Variants in GRM7 observed in about 807,000 individuals in gnomAD.
The protein encoded by GRM7 is glutamate metabotropic receptor 7.
In GRM7, 35 loss-of-function variants were observed where a neutral mutation model predicts 84.5. The ratio of observed to expected loss-of-function variants is 0.41; its 90% CI spans 0.32 to 0.55. The LOEUF is 0.55. Among genes scored for constraint, GRM7 ranks in the 20% least tolerant of loss-of-function variants. The pLI, the probability that GRM7 is intolerant of heterozygous loss-of-function variation, is 0.19. For missense variants in GRM7, 1,003 were observed against 1,194.6 expected, an observed-to-expected ratio of 0.84 and a Z score of 2.36; for synonymous variants, 487 against 455.1, an observed-to-expected ratio of 1.07 and a Z score of -0.89.
intron 2 of GRM7, among the ~76,000 whole-genome samples, chr3:7,234,452 C>A (rs1337392002): frequency 2.6e-5 from 4 of 152,128 alleles, no homozygotes; most frequent in Non-Finnish European, 5.9e-5. Context: ...AAAGTATCTG[C>A]CTCATAGAAT....
chr3:7,594,911 G>T (rs779164911), intron 8 of GRM7, among the ~76,000 whole-genome samples: 2 of 151,690 alleles, frequency 1.3e-5, no homozygotes, highest in Non-Finnish European at 2.9e-5. Flanking sequence ...TGTGGTAAAA[G>T]TGCCTTCTAT....
intron 1 of GRM7, among the ~76,000 whole-genome samples, chr3:6,889,541 T>G (rs148351977): frequency 0.061 from 9,292 of 152,192 alleles, 381 homozygotes; most frequent in East Asian, 0.19. Flanking sequence ...CATTTATTGA[T>G]TTGCATATAT....
At chr3:7,060,930 G>A (rs1166886451) in intron 1 of GRM7, among the ~76,000 whole-genome samples, 2 of 151,742 alleles carry the variant, frequency 1.3e-5, no homozygotes, top group African/African-American at 4.8e-5. Flanking sequence ...CTCTTTCACA[G>A]TCATACTGGG....
At chr3:7,133,345 T>C (rs2125055396) in intron 1 of GRM7, among the ~76,000 whole-genome samples, 1 of 152,326 alleles carries the variant, frequency 6.6e-6, no homozygotes, top group South Asian at 2.1e-4. Context: ...ACAATGTTCC[T>C]CCACCCCCAA....
chr3:7,611,054 CT>C (rs1218157338), intron 8 of GRM7, among the ~76,000 whole-genome samples: 2 of 152,088 alleles, frequency 1.3e-5, no homozygotes, highest in African/African-American at 2.4e-5. Flanking sequence ...ATTGAATAGC[CT>C]TGTGTCTTAC....
chr3:6,965,997 G>C (rs1693501811), intron 1 of GRM7, among the ~76,000 whole-genome samples: 1 of 152,116 alleles, frequency 6.6e-6, no homozygotes, highest in African/African-American at 2.4e-5. Context: ...TTTGTGCCAA[G>C]GTGATCTGAA....
At chr3:7,048,649 T>C (rs1377264933) in intron 1 of GRM7, among the ~76,000 whole-genome samples, 2 of 151,998 alleles carry the variant, frequency 1.3e-5, no homozygotes, top group Non-Finnish European at 2.9e-5. Context: ...TTTTGATATG[T>C]ATATATGGAC....
At chr3:7,071,560 GAT>G (rs1697885208) in intron 1 of GRM7, among the ~76,000 whole-genome samples, 1 of 151,902 alleles carries the variant, frequency 6.6e-6, no homozygotes, top group East Asian at 1.9e-4. Flanking sequence ...ATATCTAAGA[GAT>G]AGATTAACAG....
At chr3:7,196,044 A>G (rs2125109436) in intron 2 of GRM7, among the ~76,000 whole-genome samples, 1 of 152,072 alleles carries the variant, frequency 6.6e-6, no homozygotes, top group South Asian at 2.1e-4. Flanking sequence ...CTACCTAATT[A>G]CCCACCTACA....
intron 4 of GRM7, among the ~76,000 whole-genome samples, chr3:7,310,918 A>G (rs1002643203): frequency 2.0e-5 from 3 of 152,054 alleles, no homozygotes; most frequent in African/African-American, 7.2e-5. Context: ...TCTGAGCCCC[A>G]TTATAAGTCT....
chr3:7,168,458 ATCTC>A (rs796182437), intron 2 of GRM7, among the ~76,000 whole-genome samples: 1 of 152,038 alleles, frequency 6.6e-6, no homozygotes, highest in Non-Finnish European at 1.5e-5. Context: ...AACAGGAGAG[ATCTC>A]TCTCTCTTTC....
At chr3:7,674,325 G>A (rs897964017) in intron 8 of GRM7, among the ~76,000 whole-genome samples, 3 of 151,770 alleles carry the variant, frequency 2.0e-5, no homozygotes, top group Admixed American at 6.6e-5. Flanking sequence ...CCGAGTAGCT[G>A]GGATTACAGG....
chr3:7,056,724 A>G (rs930830321), intron 1 of GRM7, among the ~76,000 whole-genome samples: 12 of 151,928 alleles, frequency 7.9e-5, no homozygotes, highest in African/African-American at 2.9e-4. Context: ...ACCTATATTT[A>G]TTATACCATC....
intron 1 of GRM7, among the ~76,000 whole-genome samples, chr3:7,094,551 C>CT (rs1039954473): frequency 6.6e-5 from 10 of 152,170 alleles, no homozygotes; most frequent in African/African-American, 2.2e-4. Context: ...GGTTTATACT[C>CT]TTTTCCCTGT....
At chr3:7,644,006 G>GTA (rs1354776392) in intron 8 of GRM7, among the ~76,000 whole-genome samples, 1,971 of 88,220 alleles carry the variant, frequency 0.022, 34 homozygotes, top group South Asian at 0.081. Context: ...TGTGCACCAT[G>GTA]TATATATATA....
intron 4 of GRM7, among the ~76,000 whole-genome samples, chr3:7,320,065 A>G (rs1338307075): frequency 1.3e-5 from 2 of 151,562 alleles, no homozygotes; most frequent in South Asian, 2.1e-4. Flanking sequence ...TATAAATATA[A>G]TTATTTATTT....
intron 2 of GRM7, among the ~76,000 whole-genome samples, chr3:7,241,454 A>C: frequency 6.6e-6 from 1 of 152,296 alleles, no homozygotes; most frequent in Admixed American, 6.5e-5. Flanking sequence ...TAAAGTTTAA[A>C]TTAGGAATTA....
rs35883512 is a variant in GRM7 at position 6,917,494 on chromosome 3, C to CTT, written c.519+55604_519+55605dup. On this transcript the variant is annotated intron_variant, in intron 1 of 9. Coordinates refer to ENST00000357716, the MANE Select transcript of GRM7 (RefSeq NM_000844.4). Reference sequence around the variant, plus strand: ...GAAATCAATGAAGTTTTGTTAATTGCTTTTTTTTTTTTTTTTTTGGAAAGA... The same window carrying CTT: ...GAAATCAATGAAGTTTTGTTAATTGCTTTTTTTTTTTTTTTTTTTTGGAAAGA... 3.3e-3 allele frequency among the ~76,000 whole-genome samples: 411 copies of CTT among 126,340 alleles called. 4 individuals are homozygous for CTT. Among genetic ancestry groups the CTT allele is most frequent in the African/African-American group, 0.011 (383 of 33,930 alleles). 82.9% of individuals were successfully genotyped at this position (126,340 alleles called of 152,430 possible). A position where few individuals can be genotyped will look rare whatever the true frequency, so the allele number is the denominator to read the frequency against.
chr3:7,709,677 G>C (rs1701514466), intron 9 of GRM7, among the ~76,000 whole-genome samples: 1 of 152,140 alleles, frequency 6.6e-6, no homozygotes, highest in Admixed American at 6.5e-5. Context: ...GAAGATTTCT[G>C]CTTTCAATAA....
Sources: gnomAD v4.1 joint callset for allele counts (sites outside exome capture counted in the v4.1 genomes callset) on GRCh38, gnomAD v4.1.1 for gene constraint, MANE v1.5 for transcripts, NCBI Gene and HGNC (gene_info 2026-07-23, HGNC 2026-07-21) for gene names.